Variants in DBNL observed in about 807,000 individuals in gnomAD.
The protein encoded by DBNL is drebrin like, also known as drebrin-like protein.
In DBNL, 35 loss-of-function variants were observed where a neutral mutation model predicts 62.2. The ratio of observed to expected loss-of-function variants is 0.56; its 90% confidence interval spans 0.43 to 0.75. The LOEUF is 0.75. Among genes scored for constraint, DBNL ranks in the 30% least tolerant of loss-of-function variants. The pLI, the probability that DBNL is intolerant of heterozygous loss-of-function variation, is 0.00. For synonymous variants in DBNL, 197 were observed against 218.0 expected (o/e 0.90, Z 0.85); for missense variants, 495 against 578.4 (o/e 0.86, Z 1.48).
intron 8 of DBNL, 56 bp from the exon 9 acceptor site, chr7:44,058,846 G>A: frequency 6.2e-7 from 1 of 1,606,564 alleles, no homozygotes; most frequent in Non-Finnish European, 8.5e-7. Context: ...CTGTGATCTG[G>A]GGAGAGGTGG....
chr7:44,052,205 G>C (rs1207268239), intron 3 of DBNL, among the ~76,000 whole-genome samples: 1 of 152,112 alleles, frequency 6.6e-6, no homozygotes, highest in African/African-American at 2.4e-5. Context: ...GGGAGTCCTT[G>C]CTCCGTGCTC....
intron 4 of DBNL, among the ~76,000 whole-genome samples, chr7:44,055,761 A>T (rs2096135133): frequency 6.6e-6 from 1 of 152,064 alleles, no homozygotes; most frequent in South Asian, 2.1e-4. Context: ...TCAGATTATT[A>T]TTTTTTTGCT....
chr7:44,065,766 C>T lies in DBNL; in HGVS notation c.*4850C>T. On this transcript the variant is annotated 3_prime_UTR_variant, in exon 13 of 13. Transcript: ENST00000448521. The stretch of plus-strand genomic sequence containing the variant: ...CATCCACCAGCTCCTGGCCTGGGTT[C>T]AGGTGGCATGTCTATAACCAGCTGG... 1 of 590,764 alleles carries T rather than the reference C, an allele frequency of 1.7e-6. No individual in the cohort carries two copies. The highest frequency in any genetic ancestry group is 3.0e-6 in the Non-Finnish European group (1 of 329,212). 36.6% of individuals were successfully genotyped at this position (590,764 alleles called of 1,614,324 possible).
chr7:44,059,079 A>C lies in DBNL; in HGVS notation c.835+96A>C. ...CTCCCCCAAGGCTAGTGACAGATAT[A>C]TCGGTGACGGGTGAGTGAGTGAGGA... On this transcript the variant is annotated intron_variant, in intron 9 of 12. Transcript: ENST00000448521. The surrounding 1 kb of genome is among the most constrained non-coding windows in gnomAD (Gnocchi z 4.1). 2 of 1,340,688 alleles carry C rather than the reference A, an allele frequency of 1.5e-6. No homozygotes were observed. The highest frequency in any genetic ancestry group is 2.1e-6 in the Non-Finnish European group (2 of 953,408). 83.0% of individuals were successfully genotyped at this position (1,340,688 alleles called of 1,614,324 possible).
rs774883572 is a variant in DBNL at position 44,064,829 on chromosome 7, C to A, written c.*3913C>A. The A allele has an allele frequency of 1.0e-5, 16 of 1,585,354 alleles. No homozygotes were observed. Among genetic ancestry groups the A allele is most frequent in the Non-Finnish European group, 1.4e-5 (16 of 1,164,748 alleles). ...CTGCCCAGGCTCCTGAAGGTGGCCT[C>A]ACCTTCCAGGTGCTTGACAATGCCC... On this transcript the variant is annotated 3_prime_UTR_variant, in exon 13 of 13. Coordinates refer to ENST00000448521, the MANE Select transcript of DBNL (RefSeq NM_001014436.3).
chr7:44,064,800 C>CCCCCGCCCCCGCGCCAG lies in DBNL; in HGVS notation c.*3884_*3885insCCCCGCCCCCGCGCCAG. The CCCCCGCCCCCGCGCCAG allele has an allele frequency of 8.1e-7, 1 of 1,231,538 alleles. No individual in the cohort carries two copies. The highest frequency in any genetic ancestry group is 1.2e-6 in the Non-Finnish European group (1 of 857,346). The allele number at this position is 1,231,538 out of a possible 1,614,324, so 76.3% of individuals were successfully genotyped here. ...AAGCCAGCTGGGGCTGCTGCCCACCCACCCTGCCCAGGCTCCTGAAGGTGG... is the reference window on the plus strand; with the variant it reads ...AAGCCAGCTGGGGCTGCTGCCCACCCCCCCGCCCCCGCGCCAGACCCTGCCCAGGCTCCTGAAGGTGG... On this transcript the variant is annotated 3_prime_UTR_variant, in exon 13 of 13. Coordinates refer to ENST00000448521, the MANE Select transcript of DBNL (RefSeq NM_001014436.3).
In DBNL at chr7:44,065,355, C is replaced by T; in HGVS notation, c.*4439C>T. On this transcript the variant is annotated 3_prime_UTR_variant, in exon 13 of 13. Transcript: ENST00000448521. ...AGGGTGCGGATGGCCCGCTTCAGCACTGACGTGTAGCAGATGTCAAACTCC... is the reference window on the plus strand; with the variant it reads ...AGGGTGCGGATGGCCCGCTTCAGCATTGACGTGTAGCAGATGTCAAACTCC... 1 of 1,613,930 alleles carries T rather than the reference C, an allele frequency of 6.2e-7. No individual in the cohort carries two copies. The highest frequency in any genetic ancestry group is 8.5e-7 in the Non-Finnish European group (1 of 1,180,036).
Position 44,059,126 on chromosome 7 carries a change from G to T in DBNL, c.835+143G>T. ...AGGAGAAGGGACACCTGGGGCCATT[G>T]ACCTCATCAGTGACCACACTGGTCA... On this transcript the variant is annotated intron_variant, in intron 9 of 12. Coordinates refer to ENST00000448521, the MANE Select transcript of DBNL (RefSeq NM_001014436.3). The surrounding 1 kb of genome is among the most constrained non-coding windows in gnomAD (Gnocchi z 4.1). The T allele has an allele frequency of 1.0e-6, 1 of 984,786 alleles. No individual in the cohort carries two copies. The highest frequency in any genetic ancestry group is 1.5e-6 in the Non-Finnish European group (1 of 665,430). 61.0% of individuals were successfully genotyped at this position (984,786 alleles called of 1,614,324 possible).
chr7:44,048,920 T>C (rs929581583), intron 1 of DBNL, among the ~76,000 whole-genome samples: 25 of 152,210 alleles, frequency 1.6e-4, no homozygotes, highest in African/African-American at 6.0e-4. Context: ...AATGGCATCA[T>C]CATGGCTCAC....
rs2096151667 is a variant in DBNL at position 44,062,798 on chromosome 7, A to C, written c.*1882A>C. 4 of 1,614,154 alleles carry C rather than the reference A, an allele frequency of 2.5e-6. No homozygotes were observed. Among genetic ancestry groups the C allele is most frequent in the South Asian group, 1.1e-5 (1 of 91,086 alleles). On this transcript the variant is annotated 3_prime_UTR_variant, in exon 13 of 13. Transcript: ENST00000448521. ...CTTGCCCTGGGCAGCCACAGCCTCC[A>C]TGGCCTTCCGCACCGTTTCCTCATC...
At chr7:44,058,554 C>T (rs2096141400) in intron 8 of DBNL, 74 bp downstream of exon 8, 2 of 1,571,350 alleles carry the variant, frequency 1.3e-6, no homozygotes, top group Non-Finnish European at 1.7e-6. Context: ...GGATTGAGGG[C>T]CCAGCCCAGA....
rs1227602267 is a variant in DBNL, at chr7:44,066,793, C to G, written c.*5877C>G. 1.3e-5 allele frequency: 2 copies of G among 152,340 alleles called. No homozygotes were observed. Among genetic ancestry groups the G allele is most frequent in the African/African-American group, 4.8e-5 (2 of 41,470 alleles). The allele number at this position is 152,340 out of a possible 1,614,324, so 9.4% of individuals were successfully genotyped here. A position where few individuals can be genotyped will look rare whatever the true frequency, so the allele number is the denominator to read the frequency against. Reference sequence around the variant, plus strand: ...AAAGTCCTGTCGGCTGCCAGGACCCCCAAGGCTGGCAGGTGGAACCCATCC... The same window carrying G: ...AAAGTCCTGTCGGCTGCCAGGACCCGCAAGGCTGGCAGGTGGAACCCATCC... On this transcript the variant is annotated 3_prime_UTR_variant, in exon 13 of 13. Transcript: ENST00000448521.
In DBNL at chr7:44,069,315, T is replaced by C. The variant is rs1236419277; in HGVS notation, c.*8399T>C. 1 of 152,224 alleles carries C rather than the reference T, an allele frequency of 6.6e-6. No individual in the cohort carries two copies. The highest frequency in any genetic ancestry group is 1.5e-5 in the Non-Finnish European group (1 of 68,046). The allele number at this position is 152,224 out of a possible 1,614,324, so 9.4% of individuals were successfully genotyped here. On this transcript the variant is annotated 3_prime_UTR_variant, in exon 13 of 13. Transcript: ENST00000448521. ...TGATACTGTCTGATGGAGGCTTCAG[T>C]GTATACAGATGTAAGACAACTAGAA...
At chr7:44,056,468 A>G (rs866359871) in intron 4 of DBNL, among the ~76,000 whole-genome samples, 1 of 152,196 alleles carries the variant, frequency 6.6e-6, no homozygotes, top group Admixed American at 6.5e-5. Flanking sequence ...TGGGCTGTCT[A>G]TTGATACACA....
rs1209122658 is a variant in DBNL at position 44,058,472 on chromosome 7, A to T, written c.745A>T (p.Asn249Tyr). The change falls in exon 8 of 13, where the codon AAT becomes TAT. Residue 249 changes from asparagine to tyrosine, a missense_variant. Transcript: ENST00000448521. ...QQQEVVSRNR[N>Y]EQESAVHPRE... ...GCAAGAAGTGGTTTCAAGGAACCGA[A>T]ATGAGCAGGTAAGATGGGGGTGCTC... 1.2e-6 allele frequency: 2 copies of T among 1,614,150 alleles called. No individual in the cohort carries two copies. The highest frequency in any genetic ancestry group is 1.7e-6 in the Non-Finnish European group (2 of 1,180,034).
Position 44,064,968 on chromosome 7 carries a change from G to A in DBNL, c.*4052G>A, listed in dbSNP as rs143809043. 1.3e-3 allele frequency: 2,134 copies of A among 1,607,600 alleles called. 1 individual carries two copies. Among genetic ancestry groups the A allele is most frequent in the Non-Finnish European group, 1.7e-3 (1,994 of 1,179,606 alleles). ...GGGCAATGGTGTCCTTGAGGCTCTC[G>A]CAGGTGGGGAGTTCCCCGGGCTTCA... On this transcript the variant is annotated 3_prime_UTR_variant, in exon 13 of 13. Coordinates refer to ENST00000448521, the MANE Select transcript of DBNL (RefSeq NM_001014436.3).
Position 44,061,703 on chromosome 7 carries a change from T to C in DBNL, c.*787T>C, listed in dbSNP as rs2096149564. The C allele has an allele frequency of 6.6e-6, 1 of 152,330 alleles. No individual in the cohort carries two copies. The highest frequency in any genetic ancestry group is 1.5e-5 in the Non-Finnish European group (1 of 68,108). The allele number at this position is 152,330 out of a possible 1,614,324, so 9.4% of individuals were successfully genotyped here. A position where few individuals can be genotyped will look rare whatever the true frequency, so the allele number is the denominator to read the frequency against. On this transcript the variant is annotated 3_prime_UTR_variant, in exon 13 of 13. Coordinates refer to ENST00000448521, the MANE Select transcript of DBNL (RefSeq NM_001014436.3). ...CCGTGTCTCTGAAGAACAAATATGC[T>C]TTTGGACCACGAATTCCCAGTTTGG...
intron 1 of DBNL, among the ~76,000 whole-genome samples, chr7:44,045,148 G>T (rs146349943): frequency 1.1e-3 from 163 of 152,242 alleles, no homozygotes; most frequent in African/African-American, 3.7e-3. Context: ...TGCTAGCTTC[G>T]CCAGGTTCTT....
Position 44,064,793 on chromosome 7 carries a change from G to GGCCCCCCCCCCCCCCCCCC in DBNL, c.*3877_*3878insGCCCCCCCCCCCCCCCCCC. On this transcript the variant is annotated 3_prime_UTR_variant, in exon 13 of 13. Coordinates refer to ENST00000448521, the MANE Select transcript of DBNL (RefSeq NM_001014436.3). Reference sequence around the variant, plus strand: ...AGATGAGAAGCCAGCTGGGGCTGCTGCCCACCCACCCTGCCCAGGCTCCTG... The same window carrying GGCCCCCCCCCCCCCCCCCC: ...AGATGAGAAGCCAGCTGGGGCTGCTGGCCCCCCCCCCCCCCCCCCCCCACCCACCCTGCCCAGGCTCCTG... 7.9e-6 allele frequency: 9 copies of GGCCCCCCCCCCCCCCCCCC among 1,136,940 alleles called. No homozygotes were observed. The highest frequency in any genetic ancestry group is 5.0e-5 in the East Asian group (2 of 40,038). 70.4% of individuals were successfully genotyped at this position (1,136,940 alleles called of 1,614,324 possible).
Sources: gnomAD v4.1 joint callset for allele counts (sites outside exome capture counted in the v4.1 genomes callset) on GRCh38, gnomAD v4.1.1 for gene constraint, Gnocchi (gnomAD v3.1) non-coding constraint, MANE v1.5 for transcripts, NCBI Gene and HGNC (gene_info 2026-07-23, HGNC 2026-07-21) for gene names.